The following CCDC171 variants were observed in gnomAD, a reference collection of about 807,000 sequenced individuals.
CCDC171 encodes coiled-coil domain containing 171.
Under a neutral mutation model 168.2 loss-of-function variants are expected in CCDC171, and 177 were observed. The ratio of observed to expected loss-of-function variants is 1.05; its 90% CI spans 0.93 to 1.19. CCDC171 has a LOEUF of 1.19. Ranked by LOEUF, CCDC171 falls within the 50% of genes most tolerant of loss-of-function variation. CCDC171 has a pLI of 0.00. For synonymous variants in CCDC171, 687 were observed against 540.8 expected, an observed-to-expected ratio of 1.27 and a Z score of -3.75; for missense variants, 1,991 against 1,539.0, an observed-to-expected ratio of 1.29 and a Z score of -4.91.
chr9:15,608,996 T>A (rs1163207973), intron 6 of CCDC171, among the ~76,000 whole-genome samples: 10 of 118,922 alleles, frequency 8.4e-5, no homozygotes, highest in Non-Finnish European at 1.4e-4. Context: ...TTAAAAAATA[T>A]ATTTAGTAAC....
intron 3 of CCDC171, among the ~76,000 whole-genome samples, chr9:15,980,804 C>G (rs1475331645): frequency 7.9e-6 from 1 of 127,054 alleles, no homozygotes; most frequent in East Asian, 2.6e-4. Context: ...GTCCCCCCAA[C>G]CCTGCCCCGC....
At position 16,012,608 on chromosome 9, in the gene CCDC171, GTT is replaced by G. The variant is rs35024410; in HGVS notation, n.369-7973_369-7972del. 4.6e-5 allele frequency among the ~76,000 whole-genome samples: 7 copies of G among 150,670 alleles called. No homozygotes were observed. In the South Asian group the frequency reaches 1.5e-3, roughly 32 times the overall value. ...AAGAATTCGTTATGGATTGCTGGTT[GTT>G]TTTTTTTATAATGGCAGCATGCTCT... On this transcript the variant is annotated intron_variant and non_coding_transcript_variant, in intron 3 of 9. Coordinates refer to the CCDC171 transcript ENST00000486641.
At position 16,054,077 on chromosome 9, in the gene CCDC171, C is replaced by T. The variant is rs577141460; in HGVS notation, n.90-6569C>T. Among the ~76,000 whole-genome samples the T allele has an allele frequency of 5.3e-5, 8 of 152,246 alleles. No individual in the cohort carries two copies. The South Asian group carries it at 1.2e-3, about 24-fold the overall frequency. On this transcript the variant is annotated intron_variant and non_coding_transcript_variant, in intron 1 of 1. Transcript: ENST00000478913. ...ATCTTTCCTTTTCTTCCGGGTTCAGCGCTCCTTTTAAAAGTGGGCTCATGA... is the reference window on the plus strand; with the variant it reads ...ATCTTTCCTTTTCTTCCGGGTTCAGTGCTCCTTTTAAAAGTGGGCTCATGA...
chr9:16,012,605 G>C (rs1832898827), intron 3 of CCDC171, among the ~76,000 whole-genome samples: 1 of 30,218 alleles, frequency 3.3e-5, no homozygotes, highest in Admixed American at 4.6e-4. Flanking sequence ...TGGATTGCTG[G>C]TTGTTTTTTT....
At chr9:15,584,574 C>T (rs2041403372) in intron 4 of CCDC171, among the ~76,000 whole-genome samples, 2 of 152,178 alleles carry the variant, frequency 1.3e-5, no homozygotes, top group African/African-American at 4.8e-5. Context: ...TGATAGATCA[C>T]ATGAGGGCCC....
chr9:15,993,122 A>G (rs936833966), intron 3 of CCDC171, among the ~76,000 whole-genome samples: 33 of 152,202 alleles, frequency 2.2e-4, no homozygotes, highest in African/African-American at 6.3e-4. Context: ...ACCAAAAAAG[A>G]GCCCTCATTG....
chr9:15,969,087 A>C (rs1831094450), intron 25 of CCDC171, among the ~76,000 whole-genome samples: 1 of 152,170 alleles, frequency 6.6e-6, no homozygotes, highest in Non-Finnish European at 1.5e-5. Context: ...CATGTTTAGG[A>C]CATAACGTCA....
chr9:15,854,528 C>G (rs73422705), intron 23 of CCDC171, among the ~76,000 whole-genome samples: 4,124 of 151,482 alleles, frequency 0.027, 203 homozygotes, highest in African/African-American at 0.095. Context: ...TTTTAAGGGT[C>G]CAACTTTTGG....
At chr9:15,630,279 C>A (rs1432894608) in intron 7 of CCDC171, among the ~76,000 whole-genome samples, 1 of 152,078 alleles carries the variant, frequency 6.6e-6, no homozygotes, top group African/African-American at 2.4e-5. Flanking sequence ...TTCAGGAAAC[C>A]CATCTCACGT....
intron 18 of CCDC171, among the ~76,000 whole-genome samples, chr9:15,747,023 T>C (rs1013461011): frequency 2.1e-4 from 32 of 152,362 alleles, no homozygotes; most frequent in African/African-American, 7.2e-4. Flanking sequence ...AAATCCTTGC[T>C]GCTAGTGCAG....
At chr9:15,777,973 A>G in intron 19 of CCDC171, 147 bp downstream of exon 19, 1 of 591,722 alleles carries the variant, frequency 1.7e-6, no homozygotes, top group Non-Finnish European at 2.8e-6. Flanking sequence ...ACACTAAATT[A>G]CTTCCAAATA....
At chr9:15,953,251 T>C (rs533206023) in intron 25 of CCDC171, among the ~76,000 whole-genome samples, 2 of 152,318 alleles carry the variant, frequency 1.3e-5, no homozygotes, top group Non-Finnish European at 2.9e-5. Flanking sequence ...GTTTGCCTTG[T>C]TCCTGATCAT....
chr9:15,747,388 G>A (rs2134719514), intron 18 of CCDC171, among the ~76,000 whole-genome samples: 1 of 152,280 alleles, frequency 6.6e-6, no homozygotes, highest in Non-Finnish European at 1.5e-5. Flanking sequence ...CCAGCATGGT[G>A]TTCAAGCTCG....
chr9:15,968,537 C>CTTTTTTTTTTTT (rs35265243), intron 25 of CCDC171, among the ~76,000 whole-genome samples: 2 of 88,832 alleles, frequency 2.3e-5, no homozygotes, highest in Non-Finnish European at 4.5e-5. Flanking sequence ...TTGTTGCTGG[C>CTTTTTTTTTTTT]TTTTTTTTTT....
chr9:15,914,512 A>G (rs1824197575), intron 24 of CCDC171, among the ~76,000 whole-genome samples: 1 of 152,116 alleles, frequency 6.6e-6, no homozygotes, highest in Admixed American at 6.5e-5. Flanking sequence ...AAGCTTGAGC[A>G]TCCCAGGTTG....
At chr9:15,567,268 C>T (rs2039823953) in intron 2 of CCDC171, among the ~76,000 whole-genome samples, 1 of 152,136 alleles carries the variant, frequency 6.6e-6, no homozygotes, top group African/African-American at 2.4e-5. Context: ...GATCCACCGG[C>T]CTCAGCCTCC....
At chr9:15,980,268 G>T (rs541776898) in intron 3 of CCDC171, among the ~76,000 whole-genome samples, 7 of 152,202 alleles carry the variant, frequency 4.6e-5, no homozygotes, top group Middle Eastern at 3.4e-3. Context: ...GGAATAATCT[G>T]CCCCCGAATT....
At chr9:15,981,278 A>G (rs2132869838) in intron 3 of CCDC171, among the ~76,000 whole-genome samples, 1 of 148,548 alleles carries the variant, frequency 6.7e-6, no homozygotes, top group South Asian at 2.1e-4. Context: ...TAATGGCTTT[A>G]TATGCAAAGA....
intron 24 of CCDC171, among the ~76,000 whole-genome samples, chr9:15,884,242 T>C (rs1441625329): frequency 1.3e-5 from 2 of 149,496 alleles, no homozygotes; most frequent in African/African-American, 2.4e-5. Flanking sequence ...TGATATTACC[T>C]GGTCTGGTGC....
Sources: allele counts gnomAD v4.1 joint callset (sites outside exome capture counted in the v4.1 genomes callset), GRCh38; gene constraint gnomAD v4.1.1; transcripts MANE v1.5; gene names NCBI Gene and HGNC (gene_info 2026-07-23, HGNC 2026-07-21).